Variants in PHACTR3 observed in about 807,000 individuals in gnomAD.
PHACTR3 encodes phosphatase and actin regulator 3, also known as protein phosphatase 1, regulatory subunit 123.
A neutral mutation model predicts 66.8 loss-of-function variants in PHACTR3; 16 were observed. The ratio of observed to expected loss-of-function variants is 0.24; its 90% CI spans 0.16 to 0.36. The LOEUF is 0.36. Ranked by LOEUF, PHACTR3 falls within the 10% of genes least tolerant of loss-of-function variation. The pLI is 1.00. For synonymous variants in PHACTR3, 323 were observed against 292.1 expected (o/e 1.11, Z -1.08); for missense variants, 647 against 719.9 (o/e 0.90, Z 1.16).
intron 2 of PHACTR3, among the ~76,000 whole-genome samples, chr20:59,745,660 A>G (rs1400233004): frequency 6.6e-6 from 1 of 152,224 alleles, no homozygotes; most frequent in Admixed American, 6.5e-5. Flanking sequence ...AAAGAGAAAT[A>G]TGTAGCAAAC....
chr20:59,801,345 G>T (rs1014874351), intron 7 of PHACTR3, among the ~76,000 whole-genome samples: 1 of 152,216 alleles, frequency 6.6e-6, no homozygotes. Context: ...TTTCTAGCAC[G>T]TTGAAAACTA....
intron 3 of PHACTR3, 39 bp from the exon 4 acceptor site, chr20:59,755,143 G>T: frequency 1.3e-6 from 2 of 1,589,900 alleles, no homozygotes; most frequent in South Asian, 1.1e-5. Flanking sequence ...ATGAAGGAAG[G>T]GAGGTGCAGG....
rs534288194 is a variant in PHACTR3, at chr20:59,773,540, G to A, written c.926+87G>A. On this transcript the variant is annotated intron_variant, in intron 6 of 12. Transcript: ENST00000371015. ...GCTGTGCAGCTCATGCCACGCCCAG[G>A]GCCTTGGCTGGGTGTCCCGTTCTAC... 3.1e-5 allele frequency: 42 copies of A among 1,359,146 alleles called. No individual in the cohort carries two copies. In the African/African-American group the frequency reaches 6.2e-4, roughly 20 times the overall value. The allele number at this position is 1,359,146 out of a possible 1,614,324, so 84.2% of individuals were successfully genotyped here.
chr20:59,666,753 A>T (rs1273131771), intron 1 of PHACTR3, among the ~76,000 whole-genome samples: 1 of 152,206 alleles, frequency 6.6e-6, no homozygotes, highest in Non-Finnish European at 1.5e-5. Flanking sequence ...TGCAGACTGA[A>T]GCAGGGGCGG....
chr20:59,749,405 C>T (rs962419956), intron 3 of PHACTR3, among the ~76,000 whole-genome samples: 2 of 152,156 alleles, frequency 1.3e-5, no homozygotes, highest in African/African-American at 2.4e-5. Flanking sequence ...CTTCTAGGAG[C>T]GTTGGCTTTT....
intron 9 of PHACTR3, among the ~76,000 whole-genome samples, chr20:59,836,862 G>A (rs1373666360): frequency 1.3e-5 from 2 of 152,086 alleles, no homozygotes; most frequent in South Asian, 2.1e-4. Context: ...AGTTTGGGTC[G>A]GGGTTCTTCA....
chr20:59,625,265 A>G (rs530634001), intron 1 of PHACTR3, among the ~76,000 whole-genome samples: 2 of 152,042 alleles, frequency 1.3e-5, no homozygotes, highest in South Asian at 4.2e-4. Context: ...ACCCTGAGGC[A>G]GGCCCCATTC....
rs575240000 is a variant in PHACTR3 at position 59,715,547 on chromosome 20, G to A, written c.119-27560G>A. Among the ~76,000 whole-genome samples, 182 of 152,214 alleles carry A rather than the reference G, an allele frequency of 1.2e-3. 1 individual carries two copies. Among genetic ancestry groups the A allele is most frequent in the African/African-American group, 4.2e-3 (176 of 41,536 alleles). ...TACTAATGTTTTCTTTAGGATTTCT[G>A]TATCTATGGTCACGAAAGATAGGCC... On this transcript the variant is annotated intron_variant, in intron 1 of 12. Coordinates refer to ENST00000371015, the MANE Select transcript of PHACTR3 (RefSeq NM_080672.5).
chr20:59,632,990 T>G (rs1244872084), intron 1 of PHACTR3, among the ~76,000 whole-genome samples: 2 of 152,178 alleles, frequency 1.3e-5, no homozygotes, highest in African/African-American at 4.8e-5. Flanking sequence ...CTTTTGCACT[T>G]CCGTCCCCCA....
intron 1 of PHACTR3, among the ~76,000 whole-genome samples, chr20:59,705,341 G>A (rs1252311415): frequency 1.3e-5 from 2 of 152,110 alleles, no homozygotes; most frequent in African/African-American, 4.8e-5. Flanking sequence ...TTTATTACGA[G>A]TTTTATTTCT....
chr20:59,674,109 C>T (rs1051744431), intron 1 of PHACTR3, among the ~76,000 whole-genome samples: 17 of 152,160 alleles, frequency 1.1e-4, no homozygotes, highest in East Asian at 3.9e-4. Flanking sequence ...GAGCCAGCCT[C>T]GGCTGTCAGT....
At chr20:59,603,812 C>G (rs895486705), upstream of PHACTR3, 14 of 152,864 alleles carry the variant, frequency 9.2e-5, no homozygotes, top group African/African-American at 3.1e-4. Flanking sequence ...CATTCCACCC[C>G]CGTCTCTACC....
At chr20:59,791,765 T>C (rs960707797) in intron 7 of PHACTR3, among the ~76,000 whole-genome samples, 2 of 122,570 alleles carry the variant, frequency 1.6e-5, no homozygotes, top group African/African-American at 6.2e-5. Context: ...GGCCCCGGTG[T>C]GTGATGGTCC....
chr20:59,718,831 C>T (rs1437044952), intron 1 of PHACTR3, among the ~76,000 whole-genome samples: 1 of 152,182 alleles, frequency 6.6e-6, no homozygotes, highest in East Asian at 1.9e-4. Context: ...GCGGAGATGG[C>T]GGCGTATGTC....
intron 1 of PHACTR3, among the ~76,000 whole-genome samples, chr20:59,739,931 C>G (rs1365754150): frequency 6.6e-6 from 1 of 152,080 alleles, no homozygotes; most frequent in Non-Finnish European, 1.5e-5. Flanking sequence ...CACAGCATTT[C>G]CCAGCTCTGA....
chr20:59,814,870 G>A (rs961938167), intron 8 of PHACTR3, among the ~76,000 whole-genome samples: 1 of 152,144 alleles, frequency 6.6e-6, no homozygotes, highest in Non-Finnish European at 1.5e-5. Flanking sequence ...GGCCTCCGCG[G>A]TTGGGCCTTG....
chr20:59,781,612 A>G (rs2040729045), intron 7 of PHACTR3, among the ~76,000 whole-genome samples: 2 of 152,222 alleles, frequency 1.3e-5, no homozygotes, highest in South Asian at 4.1e-4. Context: ...TCCCAGCGGC[A>G]AAAGAAAAAA....
At chr20:59,698,967 A>G (rs966785226) in intron 1 of PHACTR3, among the ~76,000 whole-genome samples, 4 of 152,126 alleles carry the variant, frequency 2.6e-5, no homozygotes, top group Non-Finnish European at 5.9e-5. Context: ...CAGAAACACA[A>G]CTTCCCCCAG....
At chr20:59,832,122 C>G (rs11908615) in intron 8 of PHACTR3, among the ~76,000 whole-genome samples, 3 of 152,132 alleles carry the variant, frequency 2.0e-5, no homozygotes, top group Non-Finnish European at 4.4e-5. Context: ...CTGGTGTTGC[C>G]GGTGTTCCTC....
Sources: allele counts gnomAD v4.1 joint callset (sites outside exome capture counted in the v4.1 genomes callset), GRCh38; gene constraint gnomAD v4.1.1; transcripts MANE v1.5; gene names NCBI Gene and HGNC (gene_info 2026-07-23, HGNC 2026-07-21).